The following F13A1 variants were observed in gnomAD, a reference collection of about 807,000 sequenced individuals.
F13A1 encodes coagulation factor XIII A chain, also known as FSF, A subunit.
Under a neutral mutation model 80.1 loss-of-function variants are expected in F13A1, and 47 were observed. The observed-to-expected ratio is 0.59, with a 90% CI of 0.46 to 0.75. The LOEUF is 0.75. F13A1 is among the 30% of genes least tolerant of loss of function. The pLI is 0.00. For missense variants in F13A1, 817 were observed against 930.4 expected (o/e 0.88, Z 1.59); for synonymous variants, 349 against 344.9 (o/e 1.01, Z -0.13).
At chr6:6,253,596 G>A (rs561633525) in intron 4 of F13A1, among the ~76,000 whole-genome samples, 3 of 152,312 alleles carry the variant, frequency 2.0e-5, no homozygotes, top group South Asian at 2.1e-4. Flanking sequence ...GTCAAGCCCA[G>A]TCTGGATGAG....
intron 3 of F13A1, among the ~76,000 whole-genome samples, chr6:6,302,131 A>G (rs1190199460): frequency 6.6e-6 from 1 of 152,208 alleles, no homozygotes; most frequent in Non-Finnish European, 1.5e-5. Context: ...GGCCTATGAG[A>G]GTGTTTCAAA....
chr6:6,279,708 C>T lies in F13A1; in HGVS notation c.320-12899G>A, dbSNP rs1352660133. 2.0e-5 allele frequency among the ~76,000 whole-genome samples: 3 copies of T among 152,182 alleles called. No homozygotes were observed. The East Asian group carries it at 5.8e-4, about 29-fold the overall frequency. On this transcript the variant is annotated intron_variant, in intron 3 of 14. Coordinates refer to ENST00000264870, the MANE Select transcript of F13A1 (RefSeq NM_000129.4). The stretch of plus-strand genomic sequence containing the variant: ...TGGCAAGTCTATGGAGCCAAAGCAC[C>T]ATTTGCTCATTTGCTTGTGTTCCAT...
chr6:6,164,607 A>G (rs1163020251), intron 13 of F13A1, among the ~76,000 whole-genome samples: 2 of 152,018 alleles, frequency 1.3e-5, no homozygotes, highest in Non-Finnish European at 2.9e-5. Flanking sequence ...GAATATTTCA[A>G]CTTGAAGTTT....
At chr6:6,150,656 T>C (rs1760358281) in intron 14 of F13A1, among the ~76,000 whole-genome samples, 1 of 152,210 alleles carries the variant, frequency 6.6e-6, no homozygotes, top group African/African-American at 2.4e-5. Context: ...ACATATCTGG[T>C]CATGAGGCAG....
intron 8 of F13A1, chr6:6,206,422 T>A: frequency 2.1e-6 from 1 of 467,220 alleles, no homozygotes; most frequent in South Asian, 1.6e-5. Flanking sequence ...GTTTTCTATG[T>A]GGTTTATTAA....
intron 8 of F13A1, among the ~76,000 whole-genome samples, chr6:6,199,411 A>G (rs965835445): frequency 4.6e-4 from 69 of 151,226 alleles, no homozygotes; most frequent in African/African-American, 1.6e-3. Context: ...AATGGCGTGA[A>G]CCCGGGAGGC....
intron 3 of F13A1, among the ~76,000 whole-genome samples, chr6:6,290,421 T>C (rs1413987582): frequency 6.6e-6 from 1 of 152,244 alleles, no homozygotes; most frequent in Non-Finnish European, 1.5e-5. Flanking sequence ...GAATGAGTTC[T>C]GCACCTTATT....
intron 8 of F13A1, among the ~76,000 whole-genome samples, chr6:6,202,932 A>G (rs115829016): frequency 1.3e-5 from 2 of 152,240 alleles, no homozygotes; most frequent in African/African-American, 2.4e-5. Context: ...GGGACCCTAC[A>G]TGGGACGTCA....
Position 6,160,484 on chromosome 6 carries a change from G to A in F13A1, c.1908+6974C>T, listed in dbSNP as rs760569064. Among the ~76,000 whole-genome samples, 19 of 151,850 alleles carry A rather than the reference G, an allele frequency of 1.3e-4. 1 individual carries two copies. Among genetic ancestry groups the A allele is most frequent in the African/African-American group, 4.1e-4 (17 of 41,452 alleles). ...CCTGAGTAGCTGGGGTTACAGGCAC[G>A]CACCACTACAGCCTGGCTAATTTTT... On this transcript the variant is annotated intron_variant, in intron 13 of 14. Transcript: ENST00000264870.
chr6:6,305,284 C>T (rs1758495807), intron 3 of F13A1, 67 bp downstream of exon 3: 13 of 1,556,098 alleles, frequency 8.4e-6, no homozygotes, highest in Non-Finnish European at 1.1e-5. Context: ...CACAACTGTG[C>T]CTGTACCCAC....
At chr6:6,206,777 G>T (rs1052453688) in intron 8 of F13A1, among the ~76,000 whole-genome samples, 2 of 151,568 alleles carry the variant, frequency 1.3e-5, no homozygotes, top group African/African-American at 4.9e-5. Context: ...GCCCCGTAAT[G>T]TATGGGAGAA....
intron 3 of F13A1, among the ~76,000 whole-genome samples, chr6:6,299,703 C>T (rs1378083804): frequency 2.8e-5 from 4 of 144,416 alleles, no homozygotes; most frequent in Non-Finnish European, 4.5e-5. Flanking sequence ...AATGTCCTCC[C>T]GTAGCTCAGA....
At chr6:6,247,867 G>C (rs1372945962) in intron 6 of F13A1, among the ~76,000 whole-genome samples, 1 of 152,208 alleles carries the variant, frequency 6.6e-6, no homozygotes, top group Non-Finnish European at 1.5e-5. Flanking sequence ...CTTGTGACAG[G>C]AGTTAGGATG....
At position 6,210,324 on chromosome 6, in the gene F13A1, G is replaced by GATATATATAT. The variant is rs34960466; in HGVS notation, c.1112+11699_1112+11708dup. On this transcript the variant is annotated intron_variant, in intron 8 of 14. Coordinates refer to ENST00000264870, the MANE Select transcript of F13A1 (RefSeq NM_000129.4). ...GAATTTTGTAAATTTTGTAGCATGT[G>GATATATATAT]ATATATATATATATATATATATATT... 6.0e-3 allele frequency among the ~76,000 whole-genome samples: 496 copies of GATATATATAT among 82,856 alleles called. 28 individuals are homozygous for GATATATATAT. Among genetic ancestry groups the GATATATATAT allele is most frequent in the East Asian group, 0.044 (103 of 2,346 alleles). 54.4% of individuals were successfully genotyped at this position (82,856 alleles called of 152,430 possible).
intron 2 of F13A1, among the ~76,000 whole-genome samples, chr6:6,311,119 C>A (rs1216160938): frequency 6.6e-6 from 1 of 151,826 alleles, no homozygotes; most frequent in Non-Finnish European, 1.5e-5. Flanking sequence ...GATTGTAATC[C>A]CCTTGAAGAC....
intron 10 of F13A1, among the ~76,000 whole-genome samples, chr6:6,183,924 A>G (rs1398528647): frequency 1.3e-5 from 2 of 152,254 alleles, no homozygotes; most frequent in African/African-American, 2.4e-5. Flanking sequence ...CTATGTGAAC[A>G]TGACTTGTAA....
rs531438073 is a variant in F13A1 at position 6,223,683 on chromosome 6, CT to C, written c.973+1002del. Among the ~76,000 whole-genome samples, 801 of 147,308 alleles carry C rather than the reference CT, an allele frequency of 5.4e-3. 12 individuals are homozygous for C. The highest frequency in any genetic ancestry group is 0.018 in the African/African-American group (724 of 40,412). On this transcript the variant is annotated intron_variant, in intron 7 of 14. Transcript: ENST00000264870. Reference sequence around the variant, plus strand: ...AAATAAAACAAAACAAAACTCATGACTTTTTTTTTTTAAATTTAGATCACCA... The same window carrying C: ...AAATAAAACAAAACAAAACTCATGACTTTTTTTTTTAAATTTAGATCACCA...
At chr6:6,275,430 T>C (rs1349711720) in intron 3 of F13A1, among the ~76,000 whole-genome samples, 1 of 151,948 alleles carries the variant, frequency 6.6e-6, no homozygotes, top group Non-Finnish European at 1.5e-5. Context: ...AGTGCAGGGG[T>C]GCCATCTCAG....
At position 6,224,829 on chromosome 6, in the gene F13A1, A is replaced by G. The variant is rs1305588852; in HGVS notation, c.830T>C (p.Val277Ala). The change falls in exon 7 of 15, where the codon GTT becomes GCT. Residue 277 changes from valine to alanine, a missense_variant. Val to Ala is a moderately conservative substitution (Grantham distance 64). Coordinates refer to ENST00000264870, the MANE Select transcript of F13A1 (RefSeq NM_000129.4). The stretch of plus-strand genomic sequence containing the variant: ...GGCATAGATATTGTCCCAGGATCCA[A>G]CGAGGACACCTTCGTCATCTTTGGC... ...VNAKDDEGVLVGSWDNIYAYG... is the reference protein window; with the variant it reads ...VNAKDDEGVLAGSWDNIYAYG... The G allele has an allele frequency of 2.5e-6, 4 of 1,614,110 alleles. No individual in the cohort carries two copies. The highest frequency in any genetic ancestry group is 1.7e-5 in the Admixed American group (1 of 60,020).
Sources: gnomAD v4.1 joint callset for allele counts (sites outside exome capture counted in the v4.1 genomes callset) on GRCh38, gnomAD v4.1.1 for gene constraint, MANE v1.5 for transcripts, NCBI Gene and HGNC (gene_info 2026-07-23, HGNC 2026-07-21) for gene names.